The following ARMC2 variants were observed in gnomAD, a reference collection of about 807,000 sequenced individuals.
ARMC2 encodes the protein armadillo repeat-containing protein 2.
ARMC2 carries 67 observed loss-of-function variants against 90.3 expected under a neutral mutation model. That is an observed-to-expected ratio of 0.74 (90% CI 0.61 to 0.91). The LOEUF (loss-of-function observed/expected upper bound fraction) is 0.91, where lower values mean the gene tolerates loss of function less well. Among genes scored for constraint, ARMC2 ranks in the 40% least tolerant of loss-of-function variants. ARMC2 has a pLI of 0.00. For synonymous variants in ARMC2, 393 were observed against 393.0 expected (o/e 1.00, Z 0.00); for missense variants, 920 against 1,030.9 (o/e 0.89, Z 1.47).
rs1774861948 is a variant in ARMC2 at position 108,858,302 on chromosome 6, A to G, written c.291+31A>G. Reference sequence around the variant, plus strand: ...TACTTTGTATAACCACCAGTAATTTATATTATGTTGTGAAATGAAATTGGC... The same window carrying G: ...TACTTTGTATAACCACCAGTAATTTGTATTATGTTGTGAAATGAAATTGGC... On this transcript the variant is annotated intron_variant, in intron 3 of 17. Transcript: ENST00000392644. 7.1e-6 allele frequency: 11 copies of G among 1,541,322 alleles called. No homozygotes were observed. In the East Asian group the frequency reaches 2.3e-4, roughly 32 times the overall value.
the ARMC2 span, among the ~76,000 whole-genome samples, chr6:109,045,621 C>G: frequency 6.6e-6 from 1 of 152,198 alleles, no homozygotes; most frequent in African/African-American, 2.4e-5. Flanking sequence ...CTGGCCTCTC[C>G]TTAGTCAGGC....
At chr6:108,941,493 C>T (rs1463787358) in intron 12 of ARMC2, among the ~76,000 whole-genome samples, 1 of 152,184 alleles carries the variant, frequency 6.6e-6, no homozygotes, top group Non-Finnish European at 1.5e-5. Flanking sequence ...TGTTTAATGA[C>T]CCAATCAGGG....
chr6:108,955,948 A>G (rs1388384517), intron 13 of ARMC2, among the ~76,000 whole-genome samples: 1 of 152,184 alleles, frequency 6.6e-6, no homozygotes, highest in Non-Finnish European at 1.5e-5. Flanking sequence ...CCTGCCCAGA[A>G]ACTGCCTCTG....
chr6:109,050,535 G>C, the ARMC2 span, among the ~76,000 whole-genome samples: 18 of 152,134 alleles, frequency 1.2e-4, no homozygotes, highest in African/African-American at 4.3e-4. Flanking sequence ...AGTTGGACTG[G>C]TCTGAAAGAC....
intron 15 of ARMC2, 28 bp from the exon 16 acceptor site, chr6:108,964,152 G>T (rs772292252): frequency 4.4e-5 from 71 of 1,602,178 alleles, no homozygotes; most frequent in Non-Finnish European, 5.9e-5. Context: ...AACTTTTACT[G>T]GTCTGCATTT....
intron 5 of ARMC2, among the ~76,000 whole-genome samples, chr6:108,885,249 TG>T (rs1777972241): frequency 6.6e-6 from 1 of 151,942 alleles, no homozygotes; most frequent in Non-Finnish European, 1.5e-5. Context: ...TGTGTGTGTG[TG>T]TATGTATTTT....
At chr6:108,989,371 G>C in the ARMC2 span, among the ~76,000 whole-genome samples, 1 of 151,682 alleles carries the variant, frequency 6.6e-6, no homozygotes, top group African/African-American at 2.4e-5. Context: ...ATTTGTTATT[G>C]GTACTAGTAC....
chr6:108,988,520 A>C, the ARMC2 span: 3 of 1,582,738 alleles, frequency 1.9e-6, no homozygotes, highest in South Asian at 2.3e-5. Context: ...TTACAAAGTA[A>C]ATAAGCCACA....
chr6:108,996,141 A>C, the ARMC2 span, among the ~76,000 whole-genome samples: 1 of 152,262 alleles, frequency 6.6e-6, no homozygotes, highest in East Asian at 1.9e-4. Context: ...AGCCTAGCAT[A>C]GTACCTGGTA....
At chr6:108,924,873 G>A (rs999923870) in intron 10 of ARMC2, among the ~76,000 whole-genome samples, 4 of 152,132 alleles carry the variant, frequency 2.6e-5, no homozygotes, top group African/African-American at 9.7e-5. Flanking sequence ...AAGAGATGAA[G>A]TGAGCTTAAA....
At chr6:108,914,507 G>A (rs1488330444) in intron 10 of ARMC2, among the ~76,000 whole-genome samples, 1 of 151,990 alleles carries the variant, frequency 6.6e-6, no homozygotes, top group Non-Finnish European at 1.5e-5. Context: ...GCCTTTCTTG[G>A]AACCAGCCTA....
At chr6:109,033,365 C>T in the ARMC2 span, among the ~76,000 whole-genome samples, 1 of 152,184 alleles carries the variant, frequency 6.6e-6, no homozygotes. Context: ...CAAGAAGCCT[C>T]TTGCTTCTTT....
At chr6:109,020,674 C>T in the ARMC2 span, among the ~76,000 whole-genome samples, 17 of 152,150 alleles carry the variant, frequency 1.1e-4, no homozygotes, top group Non-Finnish European at 2.4e-4. Context: ...AAGGGATTTT[C>T]AAGAGTTACA....
intron 5 of ARMC2, among the ~76,000 whole-genome samples, chr6:108,890,046 C>T (rs1246701240): frequency 6.7e-6 from 1 of 149,126 alleles, no homozygotes; most frequent in Non-Finnish European, 1.5e-5. Context: ...AAAAATTAGC[C>T]GGGCGTAGTG....
intron 5 of ARMC2, among the ~76,000 whole-genome samples, chr6:108,883,705 G>C (rs1302991373): frequency 6.6e-6 from 1 of 152,158 alleles, no homozygotes; most frequent in Non-Finnish European, 1.5e-5. Context: ...TTCATCTGAA[G>C]TTCTACAATT....
chr6:108,933,213 C>T (rs1047509141), intron 11 of ARMC2, among the ~76,000 whole-genome samples: 3 of 151,758 alleles, frequency 2.0e-5, no homozygotes, highest in Admixed American at 2.0e-4. Flanking sequence ...GGGATGTTTT[C>T]CCATTTGTTT....
At chr6:109,027,681 GGA>G in the ARMC2 span, among the ~76,000 whole-genome samples, 1 of 151,978 alleles carries the variant, frequency 6.6e-6, no homozygotes, top group East Asian at 1.9e-4. Context: ...TATGTAGCAG[GGA>G]GAGACCAGGG....
the ARMC2 span, among the ~76,000 whole-genome samples, chr6:109,049,733 A>T: frequency 6.7e-6 from 1 of 150,254 alleles, no homozygotes; most frequent in East Asian, 1.9e-4. Flanking sequence ...ATATTGATGT[A>T]TAATATATAT....
chr6:108,955,122 G>C (rs1037936781), intron 13 of ARMC2, among the ~76,000 whole-genome samples: 1 of 152,182 alleles, frequency 6.6e-6, no homozygotes, highest in Non-Finnish European at 1.5e-5. Context: ...ACAGGACCTA[G>C]CTCCAAATAC....
Sources: gnomAD v4.1 joint callset for allele counts (sites outside exome capture counted in the v4.1 genomes callset) on GRCh38, gnomAD v4.1.1 for gene constraint, MANE v1.5 for transcripts, NCBI Gene and HGNC (gene_info 2026-07-23, HGNC 2026-07-21) for gene names.